DOCK3: variants seen among roughly 807,000 people sequenced by gnomAD.
The protein encoded by DOCK3 is dedicator of cytokinesis 3, also known as dedicator of cytokinesis protein 3.
DOCK3 carries 60 observed loss-of-function variants against 265.6 expected under a neutral mutation model. That is an observed-to-expected ratio of 0.23 (90% CI 0.18 to 0.28). The LOEUF is 0.28. Ranked by LOEUF, DOCK3 falls within the 10% of genes least tolerant of loss-of-function variation. DOCK3 has a pLI of 1.00. For synonymous variants in DOCK3, 881 were observed against 938.0 expected (o/e 0.94, Z 1.11); for missense variants, 1,981 against 2,594.3 (o/e 0.76, Z 5.14).
Position 51,360,410 on chromosome 3 carries a change from G to T in DOCK3, c.4885-101G>T. ...TCAGCCAACCATATGATTCTTTTTT[G>T]TTTCTTTTACATTTTTGATCACCAG... On this transcript the variant is annotated intron_variant, in intron 46 of 52. Coordinates refer to ENST00000266037, the MANE Select transcript of DOCK3 (RefSeq NM_004947.5). 108 of 1,439,482 alleles carry T rather than the reference G, an allele frequency of 7.5e-5. No homozygotes were observed. In the Admixed American group the frequency reaches 1.1e-3, roughly 15 times the overall value. The allele number at this position is 1,439,482 out of a possible 1,614,324, so 89.2% of individuals were successfully genotyped here.
intron 32 of DOCK3, among the ~76,000 whole-genome samples, chr3:51,318,032 C>T (rs973805491): frequency 1.3e-5 from 2 of 151,812 alleles, no homozygotes; most frequent in Admixed American, 6.6e-5. Context: ...ATCAGCATGT[C>T]GATATCTATA....
chr3:50,901,803 C>CA (rs1269829681), intron 4 of DOCK3: 2 of 409,496 alleles, frequency 4.9e-6, no homozygotes, highest in East Asian at 1.4e-4. Flanking sequence ...GGGTTGCACC[C>CA]ACTGTCTAAC....
At chr3:51,193,130 A>G (rs1247287086) in intron 12 of DOCK3, among the ~76,000 whole-genome samples, 1 of 152,088 alleles carries the variant, frequency 6.6e-6, no homozygotes, top group Non-Finnish European at 1.5e-5. Flanking sequence ...TCATGAAGGG[A>G]TGTTGAATTT....
intron 2 of DOCK3, among the ~76,000 whole-genome samples, chr3:50,825,270 C>G (rs1462384365): frequency 6.6e-6 from 1 of 152,094 alleles, no homozygotes; most frequent in Non-Finnish European, 1.5e-5. Flanking sequence ...CCCATAAGGA[C>G]AAGGAAATTG....
At chr3:51,126,460 G>T (rs1189049672) in intron 9 of DOCK3, among the ~76,000 whole-genome samples, 1 of 152,098 alleles carries the variant, frequency 6.6e-6, no homozygotes, top group Non-Finnish European at 1.5e-5. Flanking sequence ...AGTCCCCATG[G>T]GTGTGATTAG....
intron 4 of DOCK3, among the ~76,000 whole-genome samples, chr3:50,894,350 T>G (rs1388646605): frequency 1.3e-5 from 2 of 151,970 alleles, no homozygotes; most frequent in African/African-American, 4.8e-5. Flanking sequence ...AAAAACCCTG[T>G]CAACCAGTAC....
intron 4 of DOCK3, among the ~76,000 whole-genome samples, chr3:50,905,101 G>A (rs920819504): frequency 1.3e-5 from 2 of 151,972 alleles, no homozygotes; most frequent in South Asian, 2.1e-4. Context: ...TGAGGGCTCT[G>A]TTCTGTTCCA....
At chr3:51,339,403 G>A (rs915783336) in intron 37 of DOCK3, among the ~76,000 whole-genome samples, 12 of 152,086 alleles carry the variant, frequency 7.9e-5, no homozygotes, top group African/African-American at 2.9e-4. Context: ...TTTCAAAGCT[G>A]GAGCTAAGGT....
At chr3:51,260,649 T>C (rs766140381) in intron 23 of DOCK3, among the ~76,000 whole-genome samples, 9 of 152,172 alleles carry the variant, frequency 5.9e-5, no homozygotes, top group Non-Finnish European at 1.0e-4. Context: ...ATAGGAGATA[T>C]TGAGAATGTA....
chr3:51,048,186 A>T (rs199873482), intron 5 of DOCK3, among the ~76,000 whole-genome samples: 4 of 1,764 alleles, frequency 2.3e-3, no homozygotes, highest in Non-Finnish European at 3.5e-3. Flanking sequence ...CTTTCATGAT[A>T]AAAAAAAAAA....
intron 1 of DOCK3, among the ~76,000 whole-genome samples, chr3:50,766,007 G>A (rs1291287682): frequency 6.6e-6 from 1 of 151,990 alleles, no homozygotes; most frequent in Admixed American, 6.6e-5. Flanking sequence ...CTCCACATGA[G>A]TGAAATAATA....
chr3:51,228,573 A>C, intron 17 of DOCK3, 88 bp from the exon 18 acceptor site: 1 of 1,432,780 alleles, frequency 7.0e-7, no homozygotes, highest in Non-Finnish European at 9.4e-7. Context: ...GGAAGATGAG[A>C]GCAAGTATCA....
chr3:51,115,546 C>T (rs1422723149), intron 9 of DOCK3, among the ~76,000 whole-genome samples: 2 of 151,850 alleles, frequency 1.3e-5, no homozygotes, highest in African/African-American at 2.4e-5. Context: ...GGATATTAGC[C>T]CTTTGTCAGA....
chr3:50,999,410 T>A (rs940854262), intron 5 of DOCK3, among the ~76,000 whole-genome samples: 1 of 152,196 alleles, frequency 6.6e-6, no homozygotes, highest in Non-Finnish European at 1.5e-5. Context: ...CAGCCCTTGC[T>A]CTTACTCAAA....
At chr3:51,093,077 C>T (rs768455113) in intron 9 of DOCK3, among the ~76,000 whole-genome samples, 10 of 152,032 alleles carry the variant, frequency 6.6e-5, no homozygotes, top group Non-Finnish European at 1.3e-4. Context: ...TTTTGGTTAC[C>T]GTAGCCTTGT....
At chr3:51,071,380 A>G (rs1331368518) in intron 6 of DOCK3, among the ~76,000 whole-genome samples, 1 of 152,226 alleles carries the variant, frequency 6.6e-6, no homozygotes, top group Non-Finnish European at 1.5e-5. Context: ...TGGTAGGACC[A>G]TTTGTGAAAA....
chr3:51,058,011 G>A (rs2081265784), intron 5 of DOCK3, among the ~76,000 whole-genome samples: 1 of 152,194 alleles, frequency 6.6e-6, no homozygotes, highest in African/African-American at 2.4e-5. Flanking sequence ...TGGATATAGT[G>A]AACTCAGTTG....
chr3:51,034,603 A>G (rs1447225270), intron 5 of DOCK3, among the ~76,000 whole-genome samples: 2 of 152,064 alleles, frequency 1.3e-5, no homozygotes, highest in Non-Finnish European at 2.9e-5. Context: ...AGACAGTGTT[A>G]TGGTTTTTTC....
intron 9 of DOCK3, among the ~76,000 whole-genome samples, chr3:51,140,510 A>C (rs2085003302): frequency 2.0e-5 from 3 of 152,004 alleles, no homozygotes; most frequent in Admixed American, 2.0e-4. Flanking sequence ...TTGTCAGTGG[A>C]TATTTTGGTT....
Sources: gnomAD v4.1 joint callset for allele counts (sites outside exome capture counted in the v4.1 genomes callset) on GRCh38, gnomAD v4.1.1 for gene constraint, MANE v1.5 for transcripts, NCBI Gene and HGNC (gene_info 2026-07-23, HGNC 2026-07-21) for gene names.